Variants in ENPP3 observed in about 807,000 individuals in gnomAD.
The protein encoded by ENPP3 is ectonucleotide pyrophosphatase/phosphodiesterase family member 3.
In ENPP3, 104 loss-of-function variants were observed where a neutral mutation model predicts 117.8. The observed-to-expected ratio is 0.88, with a 90% confidence interval of 0.75 to 1.04. The LOEUF is 1.04. Ranked by LOEUF, ENPP3 falls within the 50% of genes least tolerant of loss-of-function variation. The probability of loss-of-function intolerance (pLI) is 0.00; values close to 1 mark genes in which losing one functional copy is unlikely to be tolerated. For synonymous variants in ENPP3, 380 were observed against 349.9 expected (o/e 1.09, Z -0.96); for missense variants, 1,026 against 1,051.9 (o/e 0.98, Z 0.34).
chr6:131,667,450 G>A (rs370425148), intron 6 of ENPP3, among the ~76,000 whole-genome samples: 25 of 152,252 alleles, frequency 1.6e-4, no homozygotes, highest in African/African-American at 5.1e-4. Context: ...CTGTGTGCTC[G>A]TTAGAATCTC....
At chr6:131,689,186 T>C (rs1203334456) in intron 14 of ENPP3, among the ~76,000 whole-genome samples, 1 of 152,138 alleles carries the variant, frequency 6.6e-6, no homozygotes, top group Non-Finnish European at 1.5e-5. Flanking sequence ...CTAGCTAAGA[T>C]CATTGATGAA....
In ENPP3 at chr6:131,693,560, T is replaced by C; in HGVS notation, c.1348T>C (p.Tyr450His). 6.2e-7 allele frequency: 1 copy of C among 1,614,002 alleles called. No homozygotes were observed. Among genetic ancestry groups the C allele is most frequent in the South Asian group, 1.1e-5 (1 of 91,030 alleles). Residue 450 changes from tyrosine (Y) to histidine (H), a missense_variant, in exon 15 of 25, where the codon TAT becomes CAT. Tyr to His is a moderately conservative substitution (Grantham distance 83). Transcript: ENST00000357639. ...LTPDLPKRLHYAKNVRIDKVH... is the reference protein window; with the variant it reads ...LTPDLPKRLHHAKNVRIDKVH... ...TCCTGATTTGCCAAAGCGACTGCAC[T>C]ATGCCAAGAACGTCAGAATCGACAA... is the stretch of plus-strand genomic sequence containing the variant.
rs752005837 is a variant in ENPP3, at chr6:131,676,805, A to G, written c.938+4A>G. ...TGGACCTGCCCAAAGCTGAAAGGTA[A>G]TGTCTAGTGTCAGAAAAGTGCTGGC... is the stretch of plus-strand genomic sequence containing the variant. On this transcript the variant is annotated splice_donor_region_variant and intron_variant, in intron 10 of 24. Transcript: ENST00000357639. The G allele has an allele frequency of 1.9e-6, 3 of 1,601,254 alleles. No homozygotes were observed. Among genetic ancestry groups the G allele is most frequent in the South Asian group, 2.2e-5 (2 of 90,744 alleles).
chr6:131,656,670 C>T (rs944772097), intron 5 of ENPP3, among the ~76,000 whole-genome samples: 4 of 151,228 alleles, frequency 2.6e-5, no homozygotes, highest in Admixed American at 1.3e-4. Flanking sequence ...GGGAGGTTGA[C>T]GCAGGAGAAT....
At chr6:131,693,062 A>G (rs982646014) in intron 14 of ENPP3, among the ~76,000 whole-genome samples, 2 of 145,906 alleles carry the variant, frequency 1.4e-5, no homozygotes, top group African/African-American at 5.0e-5. Context: ...ATGTTTATAT[A>G]TTATATATTA....
chr6:131,746,968 C>T lies in ENPP3; in HGVS notation c.*12C>T. On this transcript the variant is annotated 3_prime_UTR_variant, in exon 25 of 25. Transcript: ENST00000357639. ...AAACCACTATTTAACTTAATAATGTCTACTTAATATATAATTTACTGTATA... is the reference window on the plus strand; with the variant it reads ...AAACCACTATTTAACTTAATAATGTTTACTTAATATATAATTTACTGTATA... 6.9e-7 allele frequency: 1 copy of T among 1,459,820 alleles called. No individual in the cohort carries two copies. Among genetic ancestry groups the T allele is most frequent in the Non-Finnish European group, 9.5e-7 (1 of 1,056,956 alleles). The allele number at this position is 1,459,820 out of a possible 1,614,324, so 90.4% of individuals were successfully genotyped here.
rs771015940 is a variant in ENPP3, at chr6:131,658,332, G to C, written c.474G>C (p.Leu158=). 8.1e-6 allele frequency: 13 copies of C among 1,603,736 alleles called. No homozygotes were observed. The highest frequency in any genetic ancestry group is 1.7e-4 in the Middle Eastern group (1 of 6,036). The change falls in exon 6 of 25, where the codon CTG becomes CTC. Residue 158 remains leucine, a synonymous_variant. Coordinates refer to ENST00000357639, the MANE Select transcript of ENPP3 (RefSeq NM_005021.5). The part of the protein sequence containing the change: ...QQSQCPEGFD[L]PPVILFSMDG... ...TGTTTTCCATTTTCAGGTTTGACCT[G>C]CCACCAGTTATCTTGTTTTCTATGG...
At chr6:131,674,007 T>C (rs1183681038) in intron 7 of ENPP3, among the ~76,000 whole-genome samples, 155 bp from the exon 8 acceptor site, 1 of 152,114 alleles carries the variant, frequency 6.6e-6, no homozygotes, top group Non-Finnish European at 1.5e-5. Context: ...GGGATGACAA[T>C]ATCTCCTGAT....
At chr6:131,707,279 G>A (rs1486556116) in intron 15 of ENPP3, among the ~76,000 whole-genome samples, 1 of 147,902 alleles carries the variant, frequency 6.8e-6, no homozygotes, top group South Asian at 2.1e-4. Flanking sequence ...GTTTATGTCT[G>A]TAGTGATATC....
intron 20 of ENPP3, 80 bp from the exon 21 acceptor site, chr6:131,733,507 TC>T (rs1287624164): frequency 4.1e-6 from 6 of 1,446,968 alleles, no homozygotes; most frequent in Non-Finnish European, 5.6e-6. Flanking sequence ...TGAAAAACAT[TC>T]TAGGGAAGTG....
At chr6:131,692,695 TATA>T (rs886412192) in intron 14 of ENPP3, among the ~76,000 whole-genome samples, 68 of 146,378 alleles carry the variant, frequency 4.6e-4, no homozygotes, top group African/African-American at 1.7e-3. Context: ...ATATATTACA[TATA>T]ATATATAACC....
chr6:131,713,796 T>C (rs987397872), intron 15 of ENPP3, among the ~76,000 whole-genome samples: 4 of 152,194 alleles, frequency 2.6e-5, no homozygotes, highest in Admixed American at 6.5e-5. Context: ...ATATAGACTG[T>C]TGTCCTGTTG....
intron 15 of ENPP3, chr6:131,710,011 T>C (rs1779744120): frequency 6.2e-7 from 1 of 1,605,796 alleles, no homozygotes. Flanking sequence ...AATAATGTGG[T>C]TTCTTTCTCC....
rs760248716 is a variant in ENPP3, at chr6:131,740,192, C to T, written c.2301-32C>T. The T allele has an allele frequency of 5.9e-6, 9 of 1,518,032 alleles. No individual in the cohort carries two copies. The Admixed American group carries it at 9.9e-5, about 17-fold the overall frequency. The allele number at this position is 1,518,032 out of a possible 1,614,324, so 94.0% of individuals were successfully genotyped here. On this transcript the variant is annotated intron_variant, in intron 23 of 24. Transcript: ENST00000357639. ...ACCTTTAGAAACAAAAGTATAATAA[C>T]ATCAAAACATGTTTTCAATTATGTT...
In ENPP3 at chr6:131,718,885, C is replaced by G. The variant is rs73554716; in HGVS notation, c.1479+147C>G. 778 of 500,308 alleles carry G rather than the reference C, an allele frequency of 1.6e-3. 3 individuals carry two copies. Among genetic ancestry groups the G allele is most frequent in the African/African-American group, 0.014 (703 of 50,814 alleles). The allele number at this position is 500,308 out of a possible 1,614,324, so 31.0% of individuals were successfully genotyped here. A position where few individuals can be genotyped will look rare whatever the true frequency, so the allele number is the denominator to read the frequency against. On this transcript the variant is annotated intron_variant, in intron 16 of 24. Transcript: ENST00000357639. ...ACTCAGATGTTAAGCCTAGTTACTG[C>G]TTTTTTAAAACAGATATTTATTGCA...
chr6:131,637,745 C>A (rs544902481), intron 1 of ENPP3, among the ~76,000 whole-genome samples: 7 of 152,236 alleles, frequency 4.6e-5, no homozygotes, highest in Middle Eastern at 6.8e-3. Flanking sequence ...TTATAACTAC[C>A]TCTCAATCAC....
In ENPP3 at chr6:131,722,270, T is replaced by A; in HGVS notation, c.1611T>A (p.Gly537=). 1 of 1,614,062 alleles carries A rather than the reference T, an allele frequency of 6.2e-7. No homozygotes were observed. The highest frequency in any genetic ancestry group is 8.5e-7 in the Non-Finnish European group (1 of 1,179,956). ...IQPAPNNGTH[G]SLNHLLKVPF... ...CAGCACCAAACAATGGAACCCATGGTAGTTTAAACCATCTTCTGAAGGTGC... is the reference window on the plus strand; with the variant it reads ...CAGCACCAAACAATGGAACCCATGGAAGTTTAAACCATCTTCTGAAGGTGC... The change falls in exon 18 of 25, where the codon GGT becomes GGA. Residue 537 remains glycine (G), a synonymous_variant. Coordinates refer to ENST00000357639, the MANE Select transcript of ENPP3 (RefSeq NM_005021.5).
At chr6:131,696,832 C>T (rs886403946) in intron 15 of ENPP3, among the ~76,000 whole-genome samples, 1 of 148,764 alleles carries the variant, frequency 6.7e-6, no homozygotes, top group Admixed American at 6.7e-5. Context: ...TGCAGTGGCG[C>T]GATCTCGGCT....
chr6:131,732,884 CATACCTGGCTAATTG>C (rs777052352), intron 20 of ENPP3, among the ~76,000 whole-genome samples: 17 of 150,922 alleles, frequency 1.1e-4, no homozygotes, highest in Non-Finnish European at 2.5e-4. Flanking sequence ...TGCCCGCCAC[CATACCTGGCTAATTG>C]ATGTATTTTT....
Sources: allele counts gnomAD v4.1 joint callset (sites outside exome capture counted in the v4.1 genomes callset), GRCh38; gene constraint gnomAD v4.1.1; transcripts MANE v1.5; gene names NCBI Gene and HGNC (gene_info 2026-07-23, HGNC 2026-07-21).